The following CFAP92 variants were observed in gnomAD, a reference collection of about 807,000 sequenced individuals.
The protein encoded by CFAP92 is uncharacterized protein CFAP92.
Under a neutral mutation model 106.3 loss-of-function variants are expected in CFAP92, and 86 were observed. The observed-to-expected ratio is 0.81, with a 90% CI of 0.68 to 0.97. CFAP92 has a LOEUF of 0.97. CFAP92 is among the 50% of genes least tolerant of loss of function. The pLI is 0.00. For missense variants in CFAP92, 1,204 were observed against 1,283.8 expected, an observed-to-expected ratio of 0.94 and a Z score of 0.95; for synonymous variants, 477 against 506.4, an observed-to-expected ratio of 0.94 and a Z score of 0.78.
chr3:128,972,519 G>A lies in CFAP92; in HGVS notation c.1022-1086C>T, dbSNP rs1942874389. 2.6e-5 allele frequency among the ~76,000 whole-genome samples: 4 copies of A among 151,886 alleles called. No individual in the cohort carries two copies. The South Asian group carries it at 8.3e-4, about 32-fold the overall frequency. On this transcript the variant is annotated intron_variant, in intron 7 of 15. Coordinates refer to ENST00000645291, the MANE Select transcript of CFAP92 (RefSeq NM_001394090.1). ...GGCCTCCCAAAGTGCTAGGATTACA[G>A]GTGTAAGCCACCGCACCTGGCCTCT...
the CFAP92 span, among the ~76,000 whole-genome samples, chr3:129,021,703 GATTATCAACAAC>G: frequency 2.0e-5 from 3 of 152,196 alleles, no homozygotes; most frequent in African/African-American, 7.2e-5. Flanking sequence ...TATAGGGAAA[GATTATCAACAAC>G]ATTCAGTTGA....
At chr3:129,011,574 G>A in the CFAP92 span, among the ~76,000 whole-genome samples, 1 of 151,354 alleles carries the variant, frequency 6.6e-6, no homozygotes. Context: ...AAAGAATGAA[G>A]CAGGGACACT....
the CFAP92 span, among the ~76,000 whole-genome samples, chr3:129,023,943 C>G: frequency 6.6e-6 from 1 of 152,286 alleles, no homozygotes; most frequent in South Asian, 2.1e-4. Context: ...CTGGAACAAT[C>G]CAAGAGCAGG....
chr3:128,927,837 A>T (rs1213043303), intron 12 of CFAP92, among the ~76,000 whole-genome samples: 3 of 152,254 alleles, frequency 2.0e-5, no homozygotes, highest in Non-Finnish European at 4.4e-5. Flanking sequence ...GCACACTAAG[A>T]ACTACAGAAA....
At chr3:128,989,055 A>G (rs1175444840) in intron 2 of CFAP92, 137 bp from the exon 3 acceptor site, 9 of 689,318 alleles carry the variant, frequency 1.3e-5, no homozygotes. Context: ...AAGGAGGTAC[A>G]GGTCCAGTGC....
intron 15 of CFAP92, among the ~76,000 whole-genome samples, chr3:128,911,215 C>T (rs1313931612): frequency 6.6e-6 from 1 of 152,140 alleles, no homozygotes; most frequent in African/African-American, 2.4e-5. Flanking sequence ...CGCCACCACG[C>T]CCGGCTAATT....
At chr3:129,007,437 A>G (rs1224551210), upstream of CFAP92, among the ~76,000 whole-genome samples, 2 of 152,162 alleles carry the variant, frequency 1.3e-5, no homozygotes, top group Non-Finnish European at 2.9e-5. Flanking sequence ...TGCTCTGCAG[A>G]TGTGTCTTTG....
At chr3:128,926,381 GCA>G (rs1213738913) in intron 12 of CFAP92, among the ~76,000 whole-genome samples, 1 of 152,128 alleles carries the variant, frequency 6.6e-6, no homozygotes, top group Non-Finnish European at 1.5e-5. Flanking sequence ...AGGCATGGTG[GCA>G]CACACCTGTA....
At chr3:128,991,907 T>G in intron 2 of CFAP92, 6 of 984,452 alleles carry the variant, frequency 6.1e-6, no homozygotes, top group Non-Finnish European at 7.2e-6. Context: ...TCTCCTCCCC[T>G]CATATTGGGC....
intron 12 of CFAP92, among the ~76,000 whole-genome samples, chr3:128,922,046 A>G (rs914283470): frequency 2.0e-5 from 3 of 152,142 alleles, no homozygotes; most frequent in African/African-American, 7.2e-5. Flanking sequence ...TACCGGAGAA[A>G]TTCAATTAGT....
intron 12 of CFAP92, among the ~76,000 whole-genome samples, chr3:128,918,403 G>T (rs1420043060): frequency 6.6e-6 from 1 of 152,164 alleles, no homozygotes; most frequent in Admixed American, 6.5e-5. Flanking sequence ...AATCCAGGAG[G>T]CAGAGGTTGC....
intron 8 of CFAP92, chr3:128,969,493 A>AC (rs1303610472): frequency 6.6e-6 from 1 of 151,870 alleles, no homozygotes; most frequent in Non-Finnish European, 1.5e-5. Context: ...AATTGCTTAA[A>AC]CCTGGGGGGG....
At position 128,993,268 on chromosome 3, in the gene CFAP92, C is replaced by T; in HGVS notation, c.37G>A (p.Ala13Thr). The change falls in exon 2 of 16, where the codon GCA (alanine) becomes ACA (threonine). Residue 13 changes from alanine to threonine, a missense_variant. Ala to Thr is a moderately conservative substitution (Grantham distance 58). Coordinates refer to ENST00000645291, the MANE Select transcript of CFAP92 (RefSeq NM_001394090.1). ...LHAWEWEEDPASIEPISSITS... is the reference protein window; with the variant it reads ...LHAWEWEEDPTSIEPISSITS... ...ATGGAGGAGATGGGCTCTATGCTTG[C>T]GGGGTCCTCTTCCCACTCCCAGGCA... The T allele has an allele frequency of 1.9e-6, 3 of 1,613,814 alleles. No homozygotes were observed. Among genetic ancestry groups the T allele is most frequent in the Non-Finnish European group, 2.5e-6 (3 of 1,179,854 alleles).
chr3:128,916,205 T>A lies in CFAP92; in HGVS notation c.2818A>T (p.Ile940Phe), dbSNP rs1936805300. 8.1e-7 allele frequency: 1 copy of A among 1,232,014 alleles called. No homozygotes were observed. The highest frequency in any genetic ancestry group is 4.1e-5 in the South Asian group (1 of 24,316). The allele number at this position is 1,232,014 out of a possible 1,614,324, so 76.3% of individuals were successfully genotyped here. The stretch of plus-strand genomic sequence containing the variant: ...ACGGCCTTGTTGGCAGGGGCTGAAA[T>A]TTTAATCACCTTCGCCACGGACTTC... ...PPKSVAKVIK[I>F]SAPANKAVYN... Residue 940 changes from isoleucine to phenylalanine, a missense_variant, in exon 13 of 16, where the codon ATT becomes TTT. Ile to Phe is a conservative substitution (Grantham distance 21, BLOSUM62 0). Coordinates refer to ENST00000645291, the MANE Select transcript of CFAP92 (RefSeq NM_001394090.1).
At chr3:128,963,279 A>T (rs550390131) in intron 9 of CFAP92, among the ~76,000 whole-genome samples, 16 of 152,066 alleles carry the variant, frequency 1.1e-4, no homozygotes, top group African/African-American at 3.6e-4. Flanking sequence ...AGCCAGGACC[A>T]CACCGTGTAG....
intron 12 of CFAP92, among the ~76,000 whole-genome samples, chr3:128,923,798 A>AC (rs1553740732): frequency 6.6e-6 from 1 of 152,210 alleles, no homozygotes; most frequent in Non-Finnish European, 1.5e-5. Flanking sequence ...CTTAAATGCC[A>AC]TCTGGAGGGC....
chr3:129,008,259 C>T, the CFAP92 span, among the ~76,000 whole-genome samples: 1 of 152,272 alleles, frequency 6.6e-6, no homozygotes, highest in African/African-American at 2.4e-5. Flanking sequence ...ACAGCCCTTG[C>T]TGGCCCCTGG....
chr3:128,963,357 C>T (rs975102316), intron 9 of CFAP92, among the ~76,000 whole-genome samples: 30 of 152,172 alleles, frequency 2.0e-4, no homozygotes, highest in African/African-American at 5.1e-4. Flanking sequence ...CAGCGGCTGC[C>T]GCTGCTTTAA....
Position 128,971,399 on chromosome 3 carries a change from GATTTTCCTTCTTCCCTCTGA to G in CFAP92, c.1036_1055del (p.Ser346ProfsTer5). 1 of 1,612,344 alleles carries G rather than the reference GATTTTCCTTCTTCCCTCTGA, an allele frequency of 6.2e-7. No homozygotes were observed. Among genetic ancestry groups the G allele is most frequent in the South Asian group, 1.1e-5 (1 of 90,832 alleles). ...CCAGGGGCTTCTTATGTCTCCTCTGGATTTTCCTTCTTCCCTCTGAATCTTTCCCTTTAACTGTGAAATCA... is the reference window on the plus strand; with the variant it reads ...CCAGGGGCTTCTTATGTCTCCTCTGGATCTTTCCCTTTAACTGTGAAATCA... On this transcript the variant is annotated frameshift_variant, in exon 8 of 16. Coordinates refer to ENST00000645291, the MANE Select transcript of CFAP92 (RefSeq NM_001394090.1). LOFTEE classifies it high-confidence loss of function.
Sources: gnomAD v4.1 joint callset for allele counts (sites outside exome capture counted in the v4.1 genomes callset) on GRCh38, gnomAD v4.1.1 for gene constraint, MANE v1.5 for transcripts, NCBI Gene and HGNC (gene_info 2026-07-23, HGNC 2026-07-21) for gene names.